DCDC1: variants seen among roughly 807,000 people sequenced by gnomAD.
The protein encoded by DCDC1 is doublecortin domain-containing protein 1.
A neutral mutation model predicts 178.3 loss-of-function variants in DCDC1; 200 were observed. The ratio of observed to expected loss-of-function variants is 1.12; its 90% CI spans 1.00 to 1.26. The LOEUF (loss-of-function observed/expected upper bound fraction) is 1.26, where lower values mean the gene tolerates loss of function less well. Ranked by LOEUF, DCDC1 falls within the 50% of genes most tolerant of loss-of-function variation. The pLI is 0.00. For missense variants in DCDC1, 1,983 were observed against 1,749.2 expected (o/e 1.13, Z -2.38); for synonymous variants, 690 against 604.8 (o/e 1.14, Z -2.07).
chr11:31,036,894 A>G (rs1461671690), intron 20 of DCDC1, among the ~76,000 whole-genome samples: 2 of 152,250 alleles, frequency 1.3e-5, no homozygotes, highest in Non-Finnish European at 2.9e-5. Context: ...ATAAACTATT[A>G]CATGATAAAC....
chr11:31,037,221 C>T (rs61878204), intron 20 of DCDC1, among the ~76,000 whole-genome samples: 52,642 of 151,922 alleles, frequency 0.35, 9,506 homozygotes, highest in Middle Eastern at 0.38. Context: ...TAATTGTGCA[C>T]ATATGGCGCC....
At chr11:31,308,106 A>C (rs1421874246) in intron 3 of DCDC1, among the ~76,000 whole-genome samples, 198 bp from the exon 4 acceptor site, 1 of 152,196 alleles carries the variant, frequency 6.6e-6, no homozygotes, top group African/African-American at 2.4e-5. Context: ...AGAAATTGAG[A>C]ATCAGTGAGG....
chr11:31,234,695 C>T (rs1976237055), intron 9 of DCDC1, among the ~76,000 whole-genome samples: 3 of 152,036 alleles, frequency 2.0e-5, no homozygotes, highest in Non-Finnish European at 4.4e-5. Flanking sequence ...TCTCAGTGAG[C>T]ATTATTGTTT....
rs530021249 is a variant in DCDC1 at position 31,168,020 on chromosome 11, T to C, written c.1222-30236A>G. ...GTGCACTCATAGGCACACACATGCATGCACAAACACACCTACAAACAACCT... is the reference window on the plus strand; with the variant it reads ...GTGCACTCATAGGCACACACATGCACGCACAAACACACCTACAAACAACCT... On this transcript the variant is annotated intron_variant, in intron 9 of 38. Coordinates refer to ENST00000684477, the MANE Select transcript of DCDC1 (RefSeq NM_001387274.1). Among the ~76,000 whole-genome samples, 4 of 152,268 alleles carry C rather than the reference T, an allele frequency of 2.6e-5. No individual in the cohort carries two copies. The East Asian group carries it at 7.7e-4, about 29-fold the overall frequency.
At chr11:30,969,660 T>C (rs1949670253) in intron 20 of DCDC1, among the ~76,000 whole-genome samples, 1 of 152,232 alleles carries the variant, frequency 6.6e-6, no homozygotes, top group Non-Finnish European at 1.5e-5. Context: ...GTTTTGAGTG[T>C]AGAAATAGAG....
At chr11:31,035,758 C>T (rs1446223503) in intron 20 of DCDC1, among the ~76,000 whole-genome samples, 1 of 152,224 alleles carries the variant, frequency 6.6e-6, no homozygotes, top group Non-Finnish European at 1.5e-5. Context: ...TTAGCCTGCA[C>T]TGATGGATCT....
At chr11:31,081,318 A>G (rs532591442) in intron 17 of DCDC1, among the ~76,000 whole-genome samples, 1 of 152,186 alleles carries the variant, frequency 6.6e-6, no homozygotes, top group African/African-American at 2.4e-5. Flanking sequence ...GTTAAGAAAA[A>G]AAGAAATAAG....
Position 31,050,266 on chromosome 11 carries a change from C to T in DCDC1, c.2591+14203G>A, listed in dbSNP as rs1053773621. 2.0e-5 allele frequency among the ~76,000 whole-genome samples: 3 copies of T among 152,186 alleles called. No homozygotes were observed. In the East Asian group the frequency reaches 5.8e-4, roughly 30 times the overall value. On this transcript the variant is annotated intron_variant, in intron 20 of 38. Coordinates refer to ENST00000684477, the MANE Select transcript of DCDC1 (RefSeq NM_001387274.1). The stretch of plus-strand genomic sequence containing the variant: ...TTCCCTGACAACCTGCATGACTCAG[C>T]AGAGTCAGCCATAATCCTCCTAGGC...
At chr11:31,129,766 T>C (rs1295395345) in intron 10 of DCDC1, among the ~76,000 whole-genome samples, 2 of 152,054 alleles carry the variant, frequency 1.3e-5, no homozygotes, top group African/African-American at 4.8e-5. Context: ...TTCCCCTCCA[T>C]GCCATTAGGT....
chr11:31,033,735 T>C (rs969476750), intron 20 of DCDC1, among the ~76,000 whole-genome samples: 5 of 152,190 alleles, frequency 3.3e-5, no homozygotes, highest in South Asian at 2.1e-4. Context: ...AAGATCATAA[T>C]TGAGCTGAAA....
intron 9 of DCDC1, among the ~76,000 whole-genome samples, chr11:31,212,298 T>C (rs1329818423): frequency 6.6e-6 from 1 of 152,056 alleles, no homozygotes; most frequent in Non-Finnish European, 1.5e-5. Context: ...TTGTTTTTCC[T>C]GATTAAAAAA....
intron 6 of DCDC1, among the ~76,000 whole-genome samples, chr11:31,301,412 A>G (rs1182110971): frequency 4.6e-5 from 7 of 152,220 alleles, no homozygotes; most frequent in Non-Finnish European, 7.3e-5. Flanking sequence ...CCATTGGTGT[A>G]GGCAGCACTA....
intron 2 of DCDC1, among the ~76,000 whole-genome samples, chr11:31,329,623 C>T (rs1198357799): frequency 6.6e-6 from 1 of 152,100 alleles, no homozygotes; most frequent in African/African-American, 2.4e-5. Context: ...TTGTTCAATT[C>T]CCACCTATGA....
chr11:31,133,982 C>G (rs891379137), intron 10 of DCDC1, among the ~76,000 whole-genome samples: 7 of 152,296 alleles, frequency 4.6e-5, no homozygotes, highest in Admixed American at 4.6e-4. Flanking sequence ...GGACTACAGG[C>G]GTGAGCCACC....
chr11:30,960,878 A>G (rs531666999), intron 20 of DCDC1, among the ~76,000 whole-genome samples: 1 of 152,268 alleles, frequency 6.6e-6, no homozygotes, highest in South Asian at 2.1e-4. Flanking sequence ...CATTAAAGGC[A>G]AAATTCTATT....
chr11:31,071,654 G>A (rs1188716856), intron 18 of DCDC1, among the ~76,000 whole-genome samples: 2 of 152,098 alleles, frequency 1.3e-5, no homozygotes, highest in Non-Finnish European at 2.9e-5. Flanking sequence ...TCACATCATG[G>A]CCCTACCTTT....
At chr11:30,965,522 T>A (rs913194384) in intron 20 of DCDC1, among the ~76,000 whole-genome samples, 1 of 149,020 alleles carries the variant, frequency 6.7e-6, no homozygotes, top group African/African-American at 2.4e-5. Context: ...ACCAGAGATA[T>A]CTTAGAAAAT....
At chr11:31,319,316 G>A (rs1949240866) in intron 3 of DCDC1, among the ~76,000 whole-genome samples, 1 of 46,734 alleles carries the variant, frequency 2.1e-5, no homozygotes, top group Non-Finnish European at 3.6e-5. Flanking sequence ...GGTCACTGAG[G>A]ACTTGCTTTA....
intron 3 of DCDC1, among the ~76,000 whole-genome samples, chr11:31,319,382 T>C (rs1949244405): frequency 1.5e-5 from 1 of 65,496 alleles, no homozygotes; most frequent in Non-Finnish European, 2.7e-5. Context: ...TTAGCTCCTC[T>C]TGTTGAGTTG....
Sources: allele counts gnomAD v4.1 joint callset (sites outside exome capture counted in the v4.1 genomes callset), GRCh38; gene constraint gnomAD v4.1.1; transcripts MANE v1.5; gene names NCBI Gene and HGNC (gene_info 2026-07-23, HGNC 2026-07-21).